NEDD9: variants seen among roughly 807,000 people sequenced by gnomAD.
NEDD9 encodes the protein neural precursor cell expressed, developmentally down-regulated 9.
A neutral mutation model predicts 76.6 loss-of-function variants in NEDD9; 26 were observed. The observed-to-expected ratio is 0.34, with a 90% CI of 0.25 to 0.47. The LOEUF is 0.47. Among genes scored for constraint, NEDD9 ranks in the 20% least tolerant of loss-of-function variants. The probability of loss-of-function intolerance (pLI) is 1.00; values close to 1 mark genes in which losing one functional copy is unlikely to be tolerated. For synonymous variants in NEDD9, 392 were observed against 414.2 expected, an observed-to-expected ratio of 0.95 and a Z score of 0.65; for missense variants, 937 against 1,058.5, an observed-to-expected ratio of 0.89 and a Z score of 1.59.
upstream of NEDD9, among the ~76,000 whole-genome samples, chr6:11,232,959 A>G (rs940209453): frequency 6.6e-6 from 1 of 152,120 alleles, no homozygotes. Context: ...GATTAACCCA[A>G]ATTTTAAAGA....
intron 2 of NEDD9, among the ~76,000 whole-genome samples, chr6:11,210,984 A>G (rs1392449540): frequency 6.6e-6 from 1 of 152,116 alleles, no homozygotes; most frequent in Non-Finnish European, 1.5e-5. Flanking sequence ...CATCCTGGCC[A>G]TGTCACTACC....
chr6:11,190,011 C>A lies in NEDD9; in HGVS notation c.1858G>T (p.Gly620Cys). Residue 620 changes from glycine to cysteine, a missense_variant, in exon 5 of 7, where the codon GGT (glycine) becomes TGT (cysteine). By Grantham distance (159) the Gly-to-Cys change is radical (BLOSUM62 -3). Coordinates refer to ENST00000379446, the MANE Select transcript of NEDD9 (RefSeq NM_006403.4). The surrounding 1 kb of genome is among the most constrained non-coding windows in gnomAD (Gnocchi z 5.8). Reference sequence around the variant, plus strand: ...TCATCCATCCAGCTCCTCTCAGAACCATCACTGCTGCTACAGTCAGGGGCC... The same window carrying A: ...TCATCCATCCAGCTCCTCTCAGAACAATCACTGCTGCTACAGTCAGGGGCC... ...EQAPDCSSSD[G>C]SERSWMDDYD... The A allele has an allele frequency of 3.9e-6, 6 of 1,531,896 alleles. No homozygotes were observed. Among genetic ancestry groups the A allele is most frequent in the Non-Finnish European group, 5.3e-6 (6 of 1,142,128 alleles). The allele number at this position is 1,531,896 out of a possible 1,614,324, so 94.9% of individuals were successfully genotyped here.
Position 11,183,572 on chromosome 6 carries a change from T to A in NEDD9, c.*1590A>T, listed in dbSNP as rs1173937382. 1.3e-5 allele frequency: 2 copies of A among 152,272 alleles called. No homozygotes were observed. Among genetic ancestry groups the A allele is most frequent in the African/African-American group, 4.8e-5 (2 of 41,478 alleles). The allele number at this position is 152,272 out of a possible 1,614,324, so 9.4% of individuals were successfully genotyped here. A position where few individuals can be genotyped will look rare whatever the true frequency, so the allele number is the denominator to read the frequency against. ...TAATGTATGACTTTTAATCTTCTTT[T>A]GGCAGAGTAGGACTTTGAGAATTAT... On this transcript the variant is annotated 3_prime_UTR_variant, in exon 7 of 7. Transcript: ENST00000379446.
At position 11,340,491 on chromosome 6, in the gene NEDD9, C is replaced by T. The variant is rs539036019; in HGVS notation, c.-213-5930G>A. On this transcript the variant is annotated intron_variant, in intron 1 of 3. Transcript: ENST00000397378. The stretch of plus-strand genomic sequence containing the variant: ...TTTGACAGGAATTATCTCATTTAAT[C>T]GTCATAATATCTTTTATGTAATAGG... Among the ~76,000 whole-genome samples, 6 of 152,228 alleles carry T rather than the reference C, an allele frequency of 3.9e-5. No individual in the cohort carries two copies. In the South Asian group the frequency reaches 1.2e-3, roughly 32 times the overall value.
intron 3 of NEDD9, among the ~76,000 whole-genome samples, chr6:11,302,169 A>T (rs972678420): frequency 2.6e-5 from 4 of 152,236 alleles, no homozygotes; most frequent in Non-Finnish European, 5.9e-5. Flanking sequence ...TGCAATAAAA[A>T]ATGATAAAGG....
At chr6:11,196,629 G>C (rs919175002) in intron 2 of NEDD9, among the ~76,000 whole-genome samples, 10 of 151,972 alleles carry the variant, frequency 6.6e-5, no homozygotes, top group African/African-American at 2.2e-4. Flanking sequence ...CATTTTCCTT[G>C]TTTATGCATT....
chr6:11,361,080 G>C (rs943394234), intron 1 of NEDD9, among the ~76,000 whole-genome samples: 1 of 152,158 alleles, frequency 6.6e-6, no homozygotes, highest in Non-Finnish European at 1.5e-5. Flanking sequence ...TATTCAAAAA[G>C]TGAAATAGTG....
intron 2 of NEDD9, among the ~76,000 whole-genome samples, chr6:11,322,426 C>T (rs192127421): frequency 1.2e-4 from 18 of 152,212 alleles, no homozygotes; most frequent in Non-Finnish European, 2.4e-4. Flanking sequence ...GAACCCACAC[C>T]CAGGCTGCCC....
At position 11,216,196 on chromosome 6, in the gene NEDD9, G is replaced by A. The variant is rs114424274; in HGVS notation, c.13-2469C>T. On this transcript the variant is annotated intron_variant, in intron 1 of 6. Coordinates refer to ENST00000379446, the MANE Select transcript of NEDD9 (RefSeq NM_006403.4). ...TCCTCCTCAGTGCCCATAGAGATTA[G>A]GTTTCAGGCACAGCTTGTCAGTGCT... is the stretch of plus-strand genomic sequence containing the variant. 2.1e-3 allele frequency among the ~76,000 whole-genome samples: 324 copies of A among 152,310 alleles called. 1 individual carries two copies. Among genetic ancestry groups the A allele is most frequent in the African/African-American group, 7.2e-3 (300 of 41,564 alleles).
chr6:11,282,429 A>G (rs985673172), intron 3 of NEDD9, among the ~76,000 whole-genome samples: 1 of 152,162 alleles, frequency 6.6e-6, no homozygotes, highest in Non-Finnish European at 1.5e-5. Context: ...GATGACCACA[A>G]ACGGAAGTCT....
intron 1 of NEDD9, among the ~76,000 whole-genome samples, chr6:11,366,311 G>GGAAGGAAGGAAGGAA (rs1561849023): frequency 2.1e-5 from 3 of 143,490 alleles, no homozygotes; most frequent in African/African-American, 8.0e-5. Context: ...AAGAAAGAAA[G>GGAAGGAAGGAAGGAA]AGAAAGAAAG....
Position 11,268,676 on chromosome 6 carries a change from C to A in NEDD9, c.12+37316G>T, listed in dbSNP as rs529897375. ...CCAGGAGGCGGAGGTTGCAGTGAGC[C>A]GAGATTGGGCCACTGCACTCCAGCC... On this transcript the variant is annotated intron_variant, in intron 3 of 3. Transcript: ENST00000397378. 6.2e-4 allele frequency among the ~76,000 whole-genome samples: 94 copies of A among 151,562 alleles called. 1 individual carries two copies. The highest frequency in any genetic ancestry group is 1.0e-3 in the Non-Finnish European group (69 of 67,902).
At chr6:11,256,607 C>T (rs905487814) in intron 3 of NEDD9, among the ~76,000 whole-genome samples, 4 of 152,066 alleles carry the variant, frequency 2.6e-5, no homozygotes, top group Non-Finnish European at 5.9e-5. Flanking sequence ...ACTACAGGTG[C>T]GTGCCACCGT....
intron 2 of NEDD9, among the ~76,000 whole-genome samples, chr6:11,312,896 A>G (rs980454436): frequency 2.6e-5 from 4 of 152,166 alleles, no homozygotes; most frequent in Non-Finnish European, 5.9e-5. Flanking sequence ...TTTTAAAAGA[A>G]AATCCCTAAA....
intron 2 of NEDD9, among the ~76,000 whole-genome samples, chr6:11,329,183 G>A (rs1050386179): frequency 1.3e-5 from 2 of 152,202 alleles, no homozygotes; most frequent in African/African-American, 4.8e-5. Context: ...TCAAACACCC[G>A]TGCAAGGGCA....
Position 11,348,122 on chromosome 6 carries a change from C to T in NEDD9, c.-213-13561G>A, listed in dbSNP as rs566477028. On this transcript the variant is annotated intron_variant, in intron 1 of 3. Transcript: ENST00000397378. ...ATACAAAATTGATGTACAAAAATTA[C>T]GAGCATTCCTATACACCAACAACAG... Among the ~76,000 whole-genome samples, 268 of 152,256 alleles carry T rather than the reference C, an allele frequency of 1.8e-3. 1 individual carries two copies. The highest frequency in any genetic ancestry group is 6.1e-3 in the African/African-American group (253 of 41,548).
At chr6:11,377,916 G>A (rs1582057972) in intron 1 of NEDD9, among the ~76,000 whole-genome samples, 1 of 152,126 alleles carries the variant, frequency 6.6e-6, no homozygotes, top group African/African-American at 2.4e-5. Context: ...ATCTGGTGAT[G>A]AGTGAGTTCT....
At chr6:11,382,321 G>A (rs937275863), upstream of NEDD9, 3 of 152,244 alleles carry the variant, frequency 2.0e-5, no homozygotes, top group African/African-American at 4.8e-5. Context: ...AACCACACAC[G>A]TCGGATGTGA....
chr6:11,367,575 C>G (rs574659084), intron 1 of NEDD9, among the ~76,000 whole-genome samples: 1 of 152,344 alleles, frequency 6.6e-6, no homozygotes, highest in East Asian at 1.9e-4. Flanking sequence ...CCCCACTTCC[C>G]TCACCATCAT....
Sources: gnomAD v4.1 joint callset for allele counts (sites outside exome capture counted in the v4.1 genomes callset) on GRCh38, gnomAD v4.1.1 for gene constraint, Gnocchi (gnomAD v3.1) non-coding constraint, MANE v1.5 for transcripts, NCBI Gene and HGNC (gene_info 2026-07-23, HGNC 2026-07-21) for gene names.